NTM: variants seen among roughly 807,000 people sequenced by gnomAD.
The protein encoded by NTM is IgLON family member 2.
NTM carries 13 observed loss-of-function variants against 42.1 expected under a neutral mutation model. The ratio of observed to expected loss-of-function variants is 0.31; its 90% CI spans 0.20 to 0.49. The LOEUF (loss-of-function observed/expected upper bound fraction) is 0.49, where lower values mean the gene tolerates loss of function less well. NTM is among the 20% of genes least tolerant of loss of function. The probability of loss-of-function intolerance (pLI) is 0.99; values close to 1 mark genes in which losing one functional copy is unlikely to be tolerated. For synonymous variants in NTM, 187 were observed against 179.2 expected, an observed-to-expected ratio of 1.04 and a Z score of -0.35; for missense variants, 373 against 452.8, an observed-to-expected ratio of 0.82 and a Z score of 1.60.
At chr11:132,228,999 G>C (rs942297481) in intron 4 of NTM, among the ~76,000 whole-genome samples, 3 of 152,158 alleles carry the variant, frequency 2.0e-5, no homozygotes, top group African/African-American at 7.2e-5. Context: ...GCCTGAAAAT[G>C]AAGGTGGTTA....
chr11:131,687,549 TTCCCTGTCC>T (rs1185441559), intron 1 of NTM, among the ~76,000 whole-genome samples: 1 of 152,204 alleles, frequency 6.6e-6, no homozygotes, highest in Non-Finnish European at 1.5e-5. Flanking sequence ...CTTGCCTGTC[TTCCCTGTCC>T]ACCTCACCTT....
At chr11:132,199,811 T>G (rs1294479935) in intron 3 of NTM, among the ~76,000 whole-genome samples, 1 of 152,038 alleles carries the variant, frequency 6.6e-6, no homozygotes, top group East Asian at 1.9e-4. Flanking sequence ...CTGTAGCCTT[T>G]AATTAGTTTC....
In NTM at chr11:131,697,905, C is replaced by T. The variant is rs78043814; in HGVS notation, c.83-213659C>T. ...GGAGGAAAACGTGGGAACTAGAACTCGTGTGTGGCCTGGGAAAGAGCATGT... is the reference window on the plus strand; with the variant it reads ...GGAGGAAAACGTGGGAACTAGAACTTGTGTGTGGCCTGGGAAAGAGCATGT... On this transcript the variant is annotated intron_variant, in intron 1 of 8. Transcript: ENST00000683400. Among the ~76,000 whole-genome samples the T allele has an allele frequency of 4.3e-3, 648 of 152,218 alleles. 3 individuals are homozygous for T. The highest frequency in any genetic ancestry group is 0.015 in the African/African-American group (618 of 41,502).
At chr11:132,143,259 G>A (rs73593382) in intron 2 of NTM, among the ~76,000 whole-genome samples, 2,283 of 152,300 alleles carry the variant, frequency 0.015, 48 homozygotes, top group African/African-American at 0.051. Context: ...AGCATCAGCA[G>A]CATTTGGAAT....
intron 1 of NTM, among the ~76,000 whole-genome samples, chr11:131,454,652 A>C (rs1241961904): frequency 6.6e-6 from 1 of 152,088 alleles, no homozygotes; most frequent in Non-Finnish European, 1.5e-5. Flanking sequence ...CGGTGCTATA[A>C]ATTTAAGGAA....
At chr11:132,254,743 C>T (rs997919263) in intron 4 of NTM, among the ~76,000 whole-genome samples, 6 of 152,164 alleles carry the variant, frequency 3.9e-5, no homozygotes, top group Admixed American at 1.3e-4. Flanking sequence ...TCAGTGTCTC[C>T]TCTTCTGGAT....
At chr11:132,047,164 G>GCTGGGAT (rs2078141417) in intron 2 of NTM, among the ~76,000 whole-genome samples, 1 of 152,194 alleles carries the variant, frequency 6.6e-6, no homozygotes, top group South Asian at 2.1e-4. Context: ...GCCCCCATGG[G>GCTGGGAT]CTGGGATCTG....
rs369124314 is a variant in NTM at position 132,146,042 on chromosome 11, C to A, written c.168-240C>A. On this transcript the variant is annotated intron_variant, in intron 2 of 8. Coordinates refer to ENST00000683400, the MANE Select transcript of NTM (RefSeq NM_001352005.2). This position sits in a 1 kb window ranked among gnomAD's most constrained non-coding sequence, Gnocchi z 4.5. ...GGTACCTCTAGGTTATAACTGAGATCGTATTTGAAGTGGTTCTGTGCTCAA... is the reference window on the plus strand; with the variant it reads ...GGTACCTCTAGGTTATAACTGAGATAGTATTTGAAGTGGTTCTGTGCTCAA... Among the ~76,000 whole-genome samples the A allele has an allele frequency of 1.3e-5, 2 of 152,164 alleles. No individual in the cohort carries two copies. Among genetic ancestry groups the A allele is most frequent in the East Asian group, 3.9e-4 (2 of 5,176 alleles).
intron 4 of NTM, among the ~76,000 whole-genome samples, chr11:132,252,935 C>T (rs985580441): frequency 4.6e-5 from 7 of 152,214 alleles, no homozygotes; most frequent in African/African-American, 1.4e-4. Context: ...CTTGATCTAA[C>T]GAACCCAGTT....
At chr11:132,234,590 C>G (rs547827383) in intron 4 of NTM, among the ~76,000 whole-genome samples, 1 of 152,266 alleles carries the variant, frequency 6.6e-6, no homozygotes, top group South Asian at 2.1e-4. Context: ...CCTTAGGTAT[C>G]TCCTCAGGAC....
intron 1 of NTM, among the ~76,000 whole-genome samples, chr11:131,459,530 A>G (rs544938103): frequency 1.3e-5 from 2 of 152,356 alleles, no homozygotes; most frequent in South Asian, 4.1e-4. Flanking sequence ...TAGGATGATT[A>G]TGAGTGCTTA....
At chr11:132,034,541 A>G (rs1018136034) in intron 2 of NTM, among the ~76,000 whole-genome samples, 2 of 152,200 alleles carry the variant, frequency 1.3e-5, no homozygotes, top group Admixed American at 6.5e-5. Context: ...TTTACATTCA[A>G]TCCAGATGAA....
chr11:131,595,114 G>A (rs1438826792), intron 1 of NTM, among the ~76,000 whole-genome samples: 1 of 152,140 alleles, frequency 6.6e-6, no homozygotes, highest in African/African-American at 2.4e-5. Context: ...TTGCCATTTG[G>A]GGAGGAAAGG....
chr11:131,379,428 G>A (rs76979267), intron 1 of NTM, among the ~76,000 whole-genome samples: 3,326 of 152,192 alleles, frequency 0.022, 112 homozygotes, highest in African/African-American at 0.076. Context: ...TGATTATAAC[G>A]TAGCGGCTCC....
rs535676508 is a variant in NTM, at chr11:131,623,280, T to C, written c.82+252392T>C. 8.5e-5 allele frequency among the ~76,000 whole-genome samples: 13 copies of C among 152,352 alleles called. 1 individual carries two copies. Among genetic ancestry groups the C allele is most frequent in the African/African-American group, 3.1e-4 (13 of 41,588 alleles). ...GGCCTGAGCCCCTTCCTTGGCAGCA[T>C]GGATGGACATCCTACCTCCCAGGAC... On this transcript the variant is annotated intron_variant, in intron 1 of 8. Coordinates refer to ENST00000683400, the MANE Select transcript of NTM (RefSeq NM_001352005.2).
At chr11:131,782,429 G>A (rs1305436376) in intron 1 of NTM, among the ~76,000 whole-genome samples, 5 of 151,634 alleles carry the variant, frequency 3.3e-5, no homozygotes, top group Admixed American at 1.3e-4. Flanking sequence ...AATATTTAAG[G>A]AGGAAATAAT....
chr11:131,589,972 A>C (rs2059226084), intron 1 of NTM, among the ~76,000 whole-genome samples: 1 of 152,230 alleles, frequency 6.6e-6, no homozygotes, highest in African/African-American at 2.4e-5. Flanking sequence ...CCCCAGCCAC[A>C]TGCCAGGATC....
At chr11:131,505,823 G>C (rs1228590316) in intron 1 of NTM, among the ~76,000 whole-genome samples, 1 of 152,190 alleles carries the variant, frequency 6.6e-6, no homozygotes, top group Non-Finnish European at 1.5e-5. Context: ...GCAGCAGCAG[G>C]AACATGAGAA....
At chr11:132,216,487 A>G (rs2083889911) in intron 4 of NTM, among the ~76,000 whole-genome samples, 1 of 152,176 alleles carries the variant, frequency 6.6e-6, no homozygotes, top group African/African-American at 2.4e-5. Flanking sequence ...GTCATCAAAC[A>G]AGACACTGAC....
Sources: gnomAD v4.1 joint callset for allele counts (sites outside exome capture counted in the v4.1 genomes callset) on GRCh38, gnomAD v4.1.1 for gene constraint, Gnocchi (gnomAD v3.1) non-coding constraint, MANE v1.5 for transcripts, NCBI Gene and HGNC (gene_info 2026-07-23, HGNC 2026-07-21) for gene names.